Variants in TSHZ1 observed in about 807,000 individuals in gnomAD.
The protein encoded by TSHZ1 is teashirt zinc finger homeobox 1.
A neutral mutation model predicts 67.1 loss-of-function variants in TSHZ1; 12 were observed. That is an observed-to-expected ratio of 0.18 (90% CI 0.11 to 0.29). The LOEUF is 0.29. Among genes scored for constraint, TSHZ1 ranks in the 10% least tolerant of loss-of-function variants. The probability of loss-of-function intolerance (pLI) is 1.00; values close to 1 mark genes in which losing one functional copy is unlikely to be tolerated. For synonymous variants in TSHZ1, 632 were observed against 622.4 expected (o/e 1.02, Z -0.23); for missense variants, 1,305 against 1,413.9 (o/e 0.92, Z 1.23).
rs981029799 is a variant in TSHZ1, at chr18:75,281,917, C to T, written c.41-3531C>T. 4.6e-5 allele frequency among the ~76,000 whole-genome samples: 7 copies of T among 152,134 alleles called. No individual in the cohort carries two copies. Among genetic ancestry groups the T allele is most frequent in the Admixed American group, 6.5e-5 (1 of 15,282 alleles). ...CTTCCAAAAGTGTCCCTCACCTACC[C>T]GGTCAGAGGCTGCCTGATCACCCTG... On this transcript the variant is annotated intron_variant, in intron 1 of 1. Coordinates refer to ENST00000580243, the MANE Select transcript of TSHZ1 (RefSeq NM_001308210.2). This position sits in a 1 kb window ranked among gnomAD's most constrained non-coding sequence, Gnocchi z 5.3.
chr18:75,285,459 G>A lies in TSHZ1; in HGVS notation c.52G>A (p.Glu18Lys), dbSNP rs2023738818. The A allele has an allele frequency of 6.7e-7, 1 of 1,486,932 alleles. No individual in the cohort carries two copies. The highest frequency in any genetic ancestry group is 1.4e-5 in the South Asian group (1 of 71,408). The allele number at this position is 1,486,932 out of a possible 1,614,324, so 92.1% of individuals were successfully genotyped here. ...APRRSAAYVPEEELKAAEIDE... is the reference protein window; with the variant it reads ...APRRSAAYVPKEELKAAEIDE... ...TTTTTCTCTCCTAGCTTATGTTCCT[G>A]AGGAAGAATTGAAGGCAGCAGAAAT... The change falls in exon 2 of 2, where the codon GAG (glutamate) becomes AAG (lysine). Residue 18 changes from glutamate to lysine, a missense_variant. Glu to Lys is a moderately conservative substitution (Grantham distance 56). Coordinates refer to ENST00000580243, the MANE Select transcript of TSHZ1 (RefSeq NM_001308210.2).
chr18:75,272,986 C>A (rs2023576099), intron 1 of TSHZ1, among the ~76,000 whole-genome samples: 1 of 152,166 alleles, frequency 6.6e-6, no homozygotes, highest in East Asian at 1.9e-4. Context: ...AGGGGACACA[C>A]CTTCTGCTTT....
chr18:75,217,492 A>G (rs2022785725), intron 1 of TSHZ1, among the ~76,000 whole-genome samples: 3 of 152,206 alleles, frequency 2.0e-5, no homozygotes, highest in Non-Finnish European at 4.4e-5. Flanking sequence ...ACTAGGCAGA[A>G]AGGAAAGTAA....
chr18:75,228,094 C>G (rs1177302081), intron 1 of TSHZ1, among the ~76,000 whole-genome samples: 1 of 152,234 alleles, frequency 6.6e-6, no homozygotes, highest in Non-Finnish European at 1.5e-5. Context: ...AGGGGAGGGA[C>G]AACCTGAAAA....
intron 1 of TSHZ1, among the ~76,000 whole-genome samples, chr18:75,237,940 GT>G (rs1316365104): frequency 6.6e-6 from 1 of 152,100 alleles, no homozygotes; most frequent in Non-Finnish European, 1.5e-5. Flanking sequence ...AGCCTCCCGA[GT>G]AGCTGGGATT....
intron 1 of TSHZ1, among the ~76,000 whole-genome samples, chr18:75,260,958 G>A (rs987019627): frequency 1.3e-5 from 2 of 152,058 alleles, no homozygotes; most frequent in Non-Finnish European, 2.9e-5. Context: ...CTCAATCCAT[G>A]GGACGCGCGT....
At position 75,239,143 on chromosome 18, in the gene TSHZ1, G is replaced by A. The variant is rs78221474; in HGVS notation, c.40+27227G>A. On this transcript the variant is annotated intron_variant, in intron 1 of 1. Coordinates refer to ENST00000580243, the MANE Select transcript of TSHZ1 (RefSeq NM_001308210.2). Reference sequence around the variant, plus strand: ...GTTCTGCCATTTTGGAAGCCCACATGGACACAGGGTCCCCAGGGCTCTGGA... The same window carrying A: ...GTTCTGCCATTTTGGAAGCCCACATAGACACAGGGTCCCCAGGGCTCTGGA... Among the ~76,000 whole-genome samples the A allele has an allele frequency of 9.8e-3, 1,492 of 152,352 alleles. 9 individuals are homozygous for A. Among genetic ancestry groups the A allele is most frequent in the Non-Finnish European group, 0.015 (1,002 of 68,038 alleles).
Position 75,288,289 on chromosome 18 carries a change from A to G in TSHZ1, c.2882A>G (p.Lys961Arg), listed in dbSNP as rs745828252. 6.2e-7 allele frequency: 1 copy of G among 1,614,226 alleles called. No individual in the cohort carries two copies. The highest frequency in any genetic ancestry group is 1.7e-5 in the Admixed American group (1 of 60,034). ...AGGACAGGGGGAACGAAATTCCTAA[A>G]GAACCTGGACACAGGGCATCCTGTT... is the stretch of plus-strand genomic sequence containing the variant. ...LRRTGGTKFLKNLDTGHPVFF... is the reference protein window; with the variant it reads ...LRRTGGTKFLRNLDTGHPVFF... The change falls in exon 2 of 2, where the codon AAG becomes AGG. Residue 961 changes from lysine (K) to arginine (R), a missense_variant. Lys to Arg is a conservative substitution (Grantham distance 26). Coordinates refer to ENST00000580243, the MANE Select transcript of TSHZ1 (RefSeq NM_001308210.2). The surrounding 1 kb of genome is among the most constrained non-coding windows in gnomAD (Gnocchi z 4.9).
chr18:75,233,273 T>C (rs2122537866), intron 1 of TSHZ1, among the ~76,000 whole-genome samples: 1 of 152,386 alleles, frequency 6.6e-6, no homozygotes, highest in South Asian at 2.1e-4. Context: ...TATATTCTCA[T>C]GAGTCTTATA....
At chr18:75,276,391 T>A (rs2023614086) in intron 1 of TSHZ1, among the ~76,000 whole-genome samples, 1 of 152,164 alleles carries the variant, frequency 6.6e-6, no homozygotes, top group Non-Finnish European at 1.5e-5. Context: ...GTTAGTAAAT[T>A]AGTGCGTATA....
chr18:75,233,108 G>A (rs952436548), intron 1 of TSHZ1, among the ~76,000 whole-genome samples: 4 of 152,202 alleles, frequency 2.6e-5, no homozygotes, highest in Non-Finnish European at 4.4e-5. Context: ...AGCAGCTCTG[G>A]AACTCCCGGC....
At chr18:75,255,298 C>T (rs2023349813) in intron 1 of TSHZ1, among the ~76,000 whole-genome samples, 1 of 152,092 alleles carries the variant, frequency 6.6e-6, no homozygotes, top group Admixed American at 6.5e-5. Flanking sequence ...ATTTTCACAC[C>T]TCCATGGAGG....
intron 1 of TSHZ1, among the ~76,000 whole-genome samples, chr18:75,240,567 A>C (rs543559912): frequency 8.7e-4 from 133 of 152,282 alleles, no homozygotes; most frequent in African/African-American, 3.1e-3. Context: ...TTATGATCTC[A>C]GTCCATGGGT....
At position 75,286,418 on chromosome 18, in the gene TSHZ1, G is replaced by A; in HGVS notation, c.1011G>A (p.Leu337=). ...IKTKHYQKVP[L]KEPVPAITKL... is the part of the protein sequence containing the mutation. The stretch of plus-strand genomic sequence containing the variant: ...CCAAGCATTACCAGAAAGTGCCTCT[G>A]AAGGAGCCAGTGCCAGCCATCACCA... The change falls in exon 2 of 2, where the codon CTG becomes CTA. Residue 337 remains leucine, a synonymous_variant. Coordinates refer to ENST00000580243, the MANE Select transcript of TSHZ1 (RefSeq NM_001308210.2). This position sits in a 1 kb window ranked among gnomAD's most constrained non-coding sequence, Gnocchi z 5.1. 1 of 1,614,216 alleles carries A rather than the reference G, an allele frequency of 6.2e-7. No homozygotes were observed. Among genetic ancestry groups the A allele is most frequent in the Non-Finnish European group, 8.5e-7 (1 of 1,180,048 alleles).
Position 75,211,547 on chromosome 18 carries a change from G to A in TSHZ1, c.-330G>A, listed in dbSNP as rs2022688110. ...GGCGGCAGCATGGAGCGCGGGCCGC[G>A]GGCCGGCCCGCCGAGCGCCCGCTGC... is the stretch of plus-strand genomic sequence containing the variant. On this transcript the variant is annotated 5_prime_UTR_variant, in exon 1 of 2. Coordinates refer to ENST00000580243, the MANE Select transcript of TSHZ1 (RefSeq NM_001308210.2). 6.9e-6 allele frequency: 1 copy of A among 144,232 alleles called. No individual in the cohort carries two copies. The highest frequency in any genetic ancestry group is 6.8e-5 in the Admixed American group (1 of 14,604). The allele number at this position is 144,232 out of a possible 1,614,324, so 8.9% of individuals were successfully genotyped here.
intron 1 of TSHZ1, among the ~76,000 whole-genome samples, chr18:75,246,403 G>GGTGTGTGTGTGTGAGTGT (rs2023222987): frequency 9.2e-6 from 1 of 108,372 alleles, no homozygotes; most frequent in African/African-American, 3.5e-5. Context: ...TTTGGTTTCT[G>GGTGTGTGTGTGTGAGTGT]GTGTGTGTGT....
chr18:75,243,682 G>A (rs1202582791), intron 1 of TSHZ1, among the ~76,000 whole-genome samples: 1 of 152,176 alleles, frequency 6.6e-6, no homozygotes, highest in Non-Finnish European at 1.5e-5. Flanking sequence ...GCTGAGGAAT[G>A]TTCAGATTTA....
At chr18:75,278,022 C>T (rs1466263622) in intron 1 of TSHZ1, among the ~76,000 whole-genome samples, 1 of 152,044 alleles carries the variant, frequency 6.6e-6, no homozygotes, top group African/African-American at 2.4e-5. Context: ...TTCCATCTCT[C>T]TCTCCTTCTG....
intron 1 of TSHZ1, among the ~76,000 whole-genome samples, chr18:75,216,371 C>T (rs2122511972): frequency 6.6e-6 from 1 of 152,150 alleles, no homozygotes; most frequent in East Asian, 1.9e-4. Context: ...TGTTGCGGTG[C>T]TTGTGATGTT....
Sources: gnomAD v4.1 joint callset for allele counts (sites outside exome capture counted in the v4.1 genomes callset) on GRCh38, gnomAD v4.1.1 for gene constraint, Gnocchi (gnomAD v3.1) non-coding constraint, MANE v1.5 for transcripts, NCBI Gene and HGNC (gene_info 2026-07-23, HGNC 2026-07-21) for gene names.